ARHGEF7: variants seen among roughly 807,000 people sequenced by gnomAD.
The protein encoded by ARHGEF7 is PAK-interacting exchange factor beta.
A neutral mutation model predicts 109.8 loss-of-function variants in ARHGEF7; 33 were observed. The observed-to-expected ratio is 0.30, with a 90% CI of 0.23 to 0.40. The LOEUF (loss-of-function observed/expected upper bound fraction) is 0.40. ARHGEF7 is among the 10% of genes least tolerant of loss of function. The pLI, the probability that ARHGEF7 is intolerant of heterozygous loss-of-function variation, is 1.00. For synonymous variants in ARHGEF7, 458 were observed against 424.6 expected (o/e 1.08, Z -0.97); for missense variants, 938 against 1,098.5 (o/e 0.85, Z 2.07).
At position 111,221,622 on chromosome 13, in the gene ARHGEF7, A is replaced by G. The variant is rs566917677; in HGVS notation, c.670+3742A>G. Among the ~76,000 whole-genome samples the G allele has an allele frequency of 2.7e-4, 28 of 105,006 alleles. 2 individuals are homozygous for G. The South Asian group carries it at 8.8e-3, about 33-fold the overall frequency. 68.9% of individuals were successfully genotyped at this position (105,006 alleles called of 152,430 possible). A position where few individuals can be genotyped will look rare whatever the true frequency, so the allele number is the denominator to read the frequency against. Reference sequence around the variant, plus strand: ...AGATATATATCTCCCCTTTATATGTATATATATATGTATCTCCCCTTTATA... The same window carrying G: ...AGATATATATCTCCCCTTTATATGTGTATATATATGTATCTCCCCTTTATA... On this transcript the variant is annotated intron_variant, in intron 5 of 21. Coordinates refer to ENST00000646102, the MANE Select transcript of ARHGEF7 (RefSeq NM_001354046.2).
intron 4 of ARHGEF7, among the ~76,000 whole-genome samples, chr13:111,217,212 C>T (rs1231515051): frequency 2.0e-5 from 3 of 152,162 alleles, no homozygotes; most frequent in African/African-American, 4.8e-5. Flanking sequence ...GCCTTGTCTA[C>T]ACAAGGAAAG....
At chr13:111,201,985 C>CA (rs2081263393) in intron 2 of ARHGEF7, among the ~76,000 whole-genome samples, 1 of 151,996 alleles carries the variant, frequency 6.6e-6, no homozygotes, top group Admixed American at 6.6e-5. Context: ...AGCAAAATAC[C>CA]AAAAATAAGC....
intron 1 of ARHGEF7, among the ~76,000 whole-genome samples, chr13:111,125,796 A>G (rs936907147): frequency 2.0e-5 from 3 of 152,212 alleles, no homozygotes; most frequent in African/African-American, 7.2e-5. Context: ...GATTTTTCAG[A>G]TGTCTTTTGT....
chr13:111,123,597 A>G (rs1326151738), intron 1 of ARHGEF7, among the ~76,000 whole-genome samples: 3 of 152,166 alleles, frequency 2.0e-5, no homozygotes, highest in African/African-American at 4.8e-5. Context: ...AATACCCTCT[A>G]TATCCTTTAT....
intron 6 of ARHGEF7, among the ~76,000 whole-genome samples, chr13:111,235,204 G>A (rs959571358): frequency 1.3e-5 from 2 of 152,158 alleles, no homozygotes; most frequent in Non-Finnish European, 2.9e-5. Flanking sequence ...TAGAAAAAGT[G>A]GTCAGCAGTG....
chr13:111,221,585 ATATC>A (rs1422172985), intron 5 of ARHGEF7, among the ~76,000 whole-genome samples: 1 of 84,984 alleles, frequency 1.2e-5, no homozygotes, highest in Non-Finnish European at 2.2e-5. Context: ...ATATCTATAT[ATATC>A]TATATATAGA....
chr13:111,262,153 A>T (rs2091161424), intron 8 of ARHGEF7, among the ~76,000 whole-genome samples: 1 of 152,218 alleles, frequency 6.6e-6, no homozygotes, highest in African/African-American at 2.4e-5. Flanking sequence ...GATCGATGAA[A>T]CCAAAAGTGG....
At chr13:111,267,697 A>G (rs776864329) in intron 9 of ARHGEF7, 27 bp downstream of exon 9, 11 of 1,612,126 alleles carry the variant, frequency 6.8e-6, no homozygotes, top group Admixed American at 1.7e-5. Flanking sequence ...CCTTGGCAAC[A>G]GGGAGGGTGG....
Position 111,219,770 on chromosome 13 carries a change from A to T in ARHGEF7, c.670+1890A>T, listed in dbSNP as rs183071360. ...ATTATAATAAATCGACTTGGGCAGA[A>T]TTTTTTTCCGGCTGCTTGTTATGTT... On this transcript the variant is annotated intron_variant, in intron 5 of 21. Transcript: ENST00000646102. Among the ~76,000 whole-genome samples, 145 of 152,060 alleles carry T rather than the reference A, an allele frequency of 9.5e-4. 1 individual carries two copies. Among genetic ancestry groups the T allele is most frequent in the African/African-American group, 3.3e-3 (137 of 41,460 alleles).
At chr13:111,297,244 A>G (rs1001537487) in intron 19 of ARHGEF7, among the ~76,000 whole-genome samples, 2 of 152,244 alleles carry the variant, frequency 1.3e-5, no homozygotes, top group East Asian at 1.9e-4. Context: ...TTAGAATTGC[A>G]TAATTTCTAG....
intron 6 of ARHGEF7, chr13:111,241,271 C>G: frequency 2.0e-6 from 3 of 1,536,152 alleles, no homozygotes; most frequent in Non-Finnish European, 2.6e-6. Context: ...GGCGTCCAGG[C>G]TGTGAGGTCT....
chr13:111,169,148 C>T (rs1462728471), intron 2 of ARHGEF7, among the ~76,000 whole-genome samples: 2 of 152,182 alleles, frequency 1.3e-5, no homozygotes, highest in Non-Finnish European at 2.9e-5. Context: ...TACTAGTTTA[C>T]TTAATCCTTA....
At position 111,115,586 on chromosome 13, in the gene ARHGEF7, C is replaced by G; in HGVS notation, c.60C>G (p.Pro20=). Residue 20 remains proline (P), a synonymous_variant, in exon 1 of 22, where the codon CCC becomes CCG. Coordinates refer to ENST00000646102, the MANE Select transcript of ARHGEF7 (RefSeq NM_001354046.2). ...TCACTCTGGGGGTGCTGGAGTCGCC[C>G]AAAAAAACCATCTCGGACCCGGAGG... ...WLITLGVLES[P]KKTISDPEGF... 1 of 1,427,212 alleles carries G rather than the reference C, an allele frequency of 7.0e-7. No homozygotes were observed. Among genetic ancestry groups the G allele is most frequent in the Non-Finnish European group, 9.3e-7 (1 of 1,074,430 alleles). 88.4% of individuals were successfully genotyped at this position (1,427,212 alleles called of 1,614,324 possible). A position where few individuals can be genotyped will look rare whatever the true frequency, so the allele number is the denominator to read the frequency against.
chr13:111,133,812 T>TATAAAAATAA (rs1555341569), intron 1 of ARHGEF7, among the ~76,000 whole-genome samples: 1 of 62,568 alleles, frequency 1.6e-5, no homozygotes, highest in African/African-American at 8.1e-5. Context: ...TATATATATA[T>TATAAAAATAA]ATTTATTATA....
chr13:111,252,032 G>A (rs1483513700), intron 8 of ARHGEF7, among the ~76,000 whole-genome samples: 3 of 152,212 alleles, frequency 2.0e-5, no homozygotes, highest in African/African-American at 7.2e-5. Context: ...GAGTGCCCTG[G>A]GGCCTTGTCC....
In ARHGEF7 at chr13:111,283,363, G is replaced by C. The variant is rs2092872185; in HGVS notation, c.1950G>C (p.Glu650Asp). Reference protein sequence around the residue: ...LRPSAALCYKEDLSKSPKTMK... With the variant: ...LRPSAALCYKDDLSKSPKTMK... ...CCTCAGCTGCTCTCTGCTACAAGGA[G>C]GTGAGGTCCCTTGACCACTCAAACA... The change falls in exon 16 of 22, where the codon GAG becomes GAC. Residue 650 changes from glutamate (E) to aspartate (D), a missense_variant and splice_region_variant. Physicochemically the swap from Glu to Asp is conservative, Grantham distance 45 (BLOSUM62 2). This residue lies in a region of ARHGEF7 where 585 missense variants were observed against 723.6 expected (regional missense o/e 0.81). Transcript: ENST00000646102. 1 of 1,542,516 alleles carries C rather than the reference G, an allele frequency of 6.5e-7. No individual in the cohort carries two copies. Among genetic ancestry groups the C allele is most frequent in the Non-Finnish European group, 8.7e-7 (1 of 1,148,026 alleles).
At chr13:111,302,727 T>C (rs936348842) in intron 21 of ARHGEF7, among the ~76,000 whole-genome samples, 9 of 152,196 alleles carry the variant, frequency 5.9e-5, no homozygotes, top group Admixed American at 2.0e-4. Flanking sequence ...TCTTACGGTA[T>C]GTTCTATAGA....
At chr13:111,133,207 ATG>A (rs1024711473) in intron 1 of ARHGEF7, among the ~76,000 whole-genome samples, 2 of 152,036 alleles carry the variant, frequency 1.3e-5, no homozygotes, top group African/African-American at 4.8e-5. Context: ...ATGCGTGTAT[ATG>A]TGTATATATG....
At chr13:111,182,827 A>G (rs190036785) in intron 2 of ARHGEF7, 2 of 152,370 alleles carry the variant, frequency 1.3e-5, no homozygotes, top group Admixed American at 6.5e-5. Context: ...TGCAAAAGCA[A>G]TGCACATTCA....
Sources: gnomAD v4.1 joint callset for allele counts (sites outside exome capture counted in the v4.1 genomes callset) on GRCh38, gnomAD v4.1.1 for gene constraint, gnomAD v4.1.1 regional missense constraint, MANE v1.5 for transcripts, NCBI Gene and HGNC (gene_info 2026-07-23, HGNC 2026-07-21) for gene names.